The following MACIR variants were observed in gnomAD, a reference collection of about 807,000 sequenced individuals.
MACIR encodes UNC119-binding protein C5orf30.
In MACIR, 4 loss-of-function variants were observed where a neutral mutation model predicts 14.3. The ratio of observed to expected loss-of-function variants is 0.28; its 90% CI spans 0.14 to 0.64. The LOEUF is 0.64. MACIR is among the 30% of genes least tolerant of loss of function. MACIR has a pLI of 0.83. For synonymous variants in MACIR, 101 were observed against 102.4 expected (o/e 0.99, Z 0.08); for missense variants, 228 against 257.6 (o/e 0.89, Z 0.79).
At position 103,276,186 on chromosome 5, in the gene MACIR, A is replaced by T; in HGVS notation, c.267A>T (p.Pro89=). The T allele has an allele frequency of 6.2e-7, 1 of 1,613,776 alleles. No individual in the cohort carries two copies. The highest frequency in any genetic ancestry group is 8.5e-7 in the Non-Finnish European group (1 of 1,179,952). ...AAGAGAGCAAAGCAGAAGCCATGCCATCCTTACGCTCCAAACAGCTAGATG... is the reference window on the plus strand; with the variant it reads ...AAGAGAGCAAAGCAGAAGCCATGCCTTCCTTACGCTCCAAACAGCTAGATG... The part of the protein sequence containing the change: ...GGEESKAEAM[P]SLRSKQLDAG... The change falls in exon 3 of 3, where the codon CCA becomes CCT. Residue 89 remains proline, a synonymous_variant. Coordinates refer to ENST00000319933, the MANE Select transcript of MACIR (RefSeq NM_033211.4).
At chr5:103,263,212 C>T (rs1804792288) in intron 1 of MACIR, among the ~76,000 whole-genome samples, 1 of 151,760 alleles carries the variant, frequency 6.6e-6, no homozygotes, top group African/African-American at 2.4e-5. Flanking sequence ...TCCTCCTCCT[C>T]CTCCTCCTCC....
At position 103,277,481 on chromosome 5, in the gene MACIR, A is replaced by G. The variant is rs942401809; in HGVS notation, c.*941A>G. On this transcript the variant is annotated 3_prime_UTR_variant, in exon 3 of 3. Coordinates refer to ENST00000319933, the MANE Select transcript of MACIR (RefSeq NM_033211.4). ...AACTCATGATTTGTACTATTGAATG[A>G]TTAAACTAAGTATGAAGTGATACCA... 2.4e-5 allele frequency: 4 copies of G among 167,208 alleles called. No individual in the cohort carries two copies. The highest frequency in any genetic ancestry group is 5.9e-5 in the Non-Finnish European group (4 of 68,090). The allele number at this position is 167,208 out of a possible 1,614,324, so 10.4% of individuals were successfully genotyped here.
At chr5:103,274,509 G>A (rs546733156) in intron 2 of MACIR, among the ~76,000 whole-genome samples, 7 of 152,010 alleles carry the variant, frequency 4.6e-5, no homozygotes, top group African/African-American at 1.7e-4. Flanking sequence ...ATACTATATA[G>A]ATCCTTTGGC....
chr5:103,259,257 C>T (rs1804569395), intron 1 of MACIR: 2 of 152,354 alleles, frequency 1.3e-5, no homozygotes, highest in African/African-American at 4.8e-5. Context: ...GGGCCGCAGA[C>T]GCCGTGAGTG....
chr5:103,276,392 T>C lies in MACIR; in HGVS notation c.473T>C (p.Leu158Pro), dbSNP rs782639717. 2 of 1,613,928 alleles carry C rather than the reference T, an allele frequency of 1.2e-6. No homozygotes were observed. Among genetic ancestry groups the C allele is most frequent in the Non-Finnish European group, 1.7e-6 (2 of 1,179,994 alleles). ...ALHGPLPLCLLKGKRAHSKSL... is the reference protein window; with the variant it reads ...ALHGPLPLCLPKGKRAHSKSL... Reference sequence around the variant, plus strand: ...CATGGGCCTCTGCCTCTTTGTCTTCTTAAAGGTAAGAGGGCTCACTCCAAA... The same window carrying C: ...CATGGGCCTCTGCCTCTTTGTCTTCCTAAAGGTAAGAGGGCTCACTCCAAA... Residue 158 changes from leucine to proline, a missense_variant, in exon 3 of 3, where the codon CTT becomes CCT. Coordinates refer to ENST00000319933, the MANE Select transcript of MACIR (RefSeq NM_033211.4).
chr5:103,270,215 A>G (rs1805076415), intron 2 of MACIR, among the ~76,000 whole-genome samples: 1 of 152,186 alleles, frequency 6.6e-6, no homozygotes, highest in Admixed American at 6.5e-5. Flanking sequence ...CCATATAAAA[A>G]CCAGAAACAT....
chr5:103,274,954 C>T (rs1179808168), intron 2 of MACIR, among the ~76,000 whole-genome samples: 1 of 152,130 alleles, frequency 6.6e-6, no homozygotes, highest in African/African-American at 2.4e-5. Flanking sequence ...CTGTAGCTTT[C>T]AGGAACCTAG....
At chr5:103,275,607 G>A (rs1805293887) in intron 2 of MACIR, among the ~76,000 whole-genome samples, 1 of 152,090 alleles carries the variant, frequency 6.6e-6, no homozygotes, top group South Asian at 2.1e-4. Flanking sequence ...AATAGAGTGC[G>A]GAATTTAGAG....
chr5:103,261,693 T>TCTTTCTTTCTTCCTTTCTTTCTTC (rs1301111002), intron 1 of MACIR, among the ~76,000 whole-genome samples: 1 of 119,328 alleles, frequency 8.4e-6, no homozygotes, highest in African/African-American at 3.5e-5. Flanking sequence ...TTTCTTTCTT[T>TCTTTCTTTCTTCCTTTCTTTCTTC]CTTTCTTTCT....
At chr5:103,272,266 G>A (rs1805160828) in intron 2 of MACIR, among the ~76,000 whole-genome samples, 1 of 152,016 alleles carries the variant, frequency 6.6e-6, no homozygotes, top group Admixed American at 6.6e-5. Context: ...CCTGATGGAT[G>A]TCTTTCAGTA....
rs367655654 is a variant in MACIR, at chr5:103,260,516, G to C, written c.-114+1620G>C. Reference sequence around the variant, plus strand: ...GTAAAATGAACAGGATGGAATATAAGAGTTAATGAATACAGAGACCTGTTA... The same window carrying C: ...GTAAAATGAACAGGATGGAATATAACAGTTAATGAATACAGAGACCTGTTA... On this transcript the variant is annotated intron_variant, in intron 1 of 2. Coordinates refer to ENST00000319933, the MANE Select transcript of MACIR (RefSeq NM_033211.4). Among the ~76,000 whole-genome samples the C allele has an allele frequency of 2.6e-5, 4 of 152,296 alleles. No homozygotes were observed. In the East Asian group the frequency reaches 5.8e-4, roughly 22 times the overall value.
chr5:103,263,675 A>G (rs182906368), intron 1 of MACIR, among the ~76,000 whole-genome samples: 50 of 152,324 alleles, frequency 3.3e-4, no homozygotes, highest in Admixed American at 2.8e-3. Flanking sequence ...TAAGACTGTC[A>G]AAACTATTCT....
At chr5:103,273,598 G>A (rs565181286) in intron 2 of MACIR, among the ~76,000 whole-genome samples, 1 of 152,242 alleles carries the variant, frequency 6.6e-6, no homozygotes, top group South Asian at 2.1e-4. Context: ...AGTTTACCTT[G>A]ATGCAGCAGG....
intron 1 of MACIR, among the ~76,000 whole-genome samples, chr5:103,263,591 G>A (rs1554236502): frequency 6.6e-6 from 1 of 152,092 alleles, no homozygotes; most frequent in East Asian, 1.9e-4. Flanking sequence ...TTTTTCTAAT[G>A]CATTTAAAAG....
intron 2 of MACIR, among the ~76,000 whole-genome samples, chr5:103,266,584 A>G (rs929957657): frequency 2.0e-5 from 3 of 152,094 alleles, no homozygotes; most frequent in Non-Finnish European, 4.4e-5. Context: ...CTTTGCTGAC[A>G]TAGTTGTCCA....
intron 2 of MACIR, among the ~76,000 whole-genome samples, chr5:103,273,723 T>C (rs900139750): frequency 6.6e-6 from 1 of 152,108 alleles, no homozygotes; most frequent in South Asian, 2.1e-4. Context: ...ATTTTTTCCC[T>C]CGTAGACAAA....
intron 2 of MACIR, among the ~76,000 whole-genome samples, chr5:103,273,029 T>C (rs1554237250): frequency 6.6e-6 from 1 of 152,216 alleles, no homozygotes; most frequent in East Asian, 1.9e-4. Flanking sequence ...TCCTGCGCCT[T>C]GAGACTCTCC....
At chr5:103,260,413 A>G (rs1804636164) in intron 1 of MACIR, among the ~76,000 whole-genome samples, 1 of 152,174 alleles carries the variant, frequency 6.6e-6, no homozygotes, top group Non-Finnish European at 1.5e-5. Context: ...TTATGATTAC[A>G]CTATTAAGTT....
At chr5:103,272,363 CT>C (rs11450687) in intron 2 of MACIR, among the ~76,000 whole-genome samples, 28 of 142,862 alleles carry the variant, frequency 2.0e-4, no homozygotes, top group Non-Finnish European at 3.3e-4. Context: ...TCTTTAGTGT[CT>C]TTTTTTTTTT....
Sources: gnomAD v4.1 joint callset for allele counts (sites outside exome capture counted in the v4.1 genomes callset) on GRCh38, gnomAD v4.1.1 for gene constraint, MANE v1.5 for transcripts, NCBI Gene and HGNC (gene_info 2026-07-23, HGNC 2026-07-21) for gene names.